STARD13: variants seen among roughly 807,000 people sequenced by gnomAD.
STARD13 encodes StAR related lipid transfer domain containing 13.
Under a neutral mutation model 106.4 loss-of-function variants are expected in STARD13, and 62 were observed. The ratio of observed to expected loss-of-function variants is 0.58; its 90% CI spans 0.48 to 0.72. STARD13 has a LOEUF of 0.72. Ranked by LOEUF, STARD13 falls within the 30% of genes least tolerant of loss-of-function variation. The pLI is 0.00. For synonymous variants in STARD13, 565 were observed against 553.0 expected, an observed-to-expected ratio of 1.02 and a Z score of -0.31; for missense variants, 1,387 against 1,424.0, an observed-to-expected ratio of 0.97 and a Z score of 0.42.
intron 1 of STARD13, among the ~76,000 whole-genome samples, chr13:33,180,020 G>A (rs993830841): frequency 2.0e-5 from 3 of 152,146 alleles, no homozygotes; most frequent in Admixed American, 6.5e-5. Context: ...CAACCTGCCT[G>A]GAGATTCTTA....
intron 4 of STARD13, among the ~76,000 whole-genome samples, chr13:33,134,339 G>A (rs902765630): frequency 2.0e-5 from 3 of 152,298 alleles, no homozygotes; most frequent in South Asian, 4.1e-4. Flanking sequence ...TTTGTGTTGG[G>A]GCACATCCAA....
At chr13:33,121,611 A>G (rs2138120493) in intron 7 of STARD13, among the ~76,000 whole-genome samples, 1 of 151,058 alleles carries the variant, frequency 6.6e-6, no homozygotes, top group African/African-American at 2.4e-5. Context: ...TTTGATCTGA[A>G]TTTTTGACAA....
At chr13:33,615,815 CA>C in the STARD13 span, among the ~76,000 whole-genome samples, 1 of 152,156 alleles carries the variant, frequency 6.6e-6, no homozygotes, top group Non-Finnish European at 1.5e-5. Context: ...TGTTTAACCT[CA>C]GATGGAAATA....
chr13:33,471,633 G>GTTTTTTTT, the STARD13 span, among the ~76,000 whole-genome samples: 1 of 124,502 alleles, frequency 8.0e-6, no homozygotes, highest in Non-Finnish European at 1.8e-5. Flanking sequence ...TTGGCCCCCT[G>GTTTTTTTT]TTTTTTTTTT....
the STARD13 span, among the ~76,000 whole-genome samples, chr13:33,657,236 C>A: frequency 7.2e-5 from 11 of 152,162 alleles, no homozygotes; most frequent in African/African-American, 2.4e-4. Flanking sequence ...TGCCACTGCA[C>A]TCCAGCCTGG....
At chr13:33,437,367 G>C in the STARD13 span, among the ~76,000 whole-genome samples, 1 of 152,178 alleles carries the variant, frequency 6.6e-6, no homozygotes, top group Non-Finnish European at 1.5e-5. Context: ...CACTCAGGGA[G>C]CTCGGCTCTT....
the STARD13 span, among the ~76,000 whole-genome samples, chr13:33,627,956 CT>C: frequency 4.1e-5 from 6 of 146,454 alleles, no homozygotes; most frequent in African/African-American, 8.1e-5. Flanking sequence ...TAGGCTATTT[CT>C]TTTTTTTCTT....
the STARD13 span, among the ~76,000 whole-genome samples, chr13:33,467,248 G>A: frequency 6.6e-6 from 1 of 151,868 alleles, no homozygotes; most frequent in Non-Finnish European, 1.5e-5. Flanking sequence ...CTGTCTGGGG[G>A]TGACGGGAGA....
downstream of STARD13, among the ~76,000 whole-genome samples, chr13:33,345,269 A>C (rs909623429): frequency 6.6e-6 from 1 of 152,216 alleles, no homozygotes; most frequent in Non-Finnish European, 1.5e-5. Context: ...TGATTAGGGG[A>C]CAAGCTACTT....
At chr13:33,265,412 G>C (rs1890849499) in intron 1 of STARD13, among the ~76,000 whole-genome samples, 1 of 152,136 alleles carries the variant, frequency 6.6e-6, no homozygotes, top group Non-Finnish European at 1.5e-5. Context: ...AATATGAACA[G>C]GTGTCCTATA....
chr13:33,358,664 G>A, the STARD13 span, among the ~76,000 whole-genome samples: 1 of 151,942 alleles, frequency 6.6e-6, no homozygotes, highest in Non-Finnish European at 1.5e-5. Flanking sequence ...CTAGCTCAAG[G>A]TTTGTAAATA....
chr13:33,514,875 A>C, the STARD13 span, among the ~76,000 whole-genome samples: 1 of 152,136 alleles, frequency 6.6e-6, no homozygotes, highest in Admixed American at 6.5e-5. Context: ...TCCCACCAAG[A>C]TTCCTCGGGA....
At chr13:33,342,537 T>G (rs1243160713) in intron 1 of STARD13, among the ~76,000 whole-genome samples, 1 of 152,040 alleles carries the variant, frequency 6.6e-6, no homozygotes, top group African/African-American at 2.4e-5. Context: ...TAGTTTGTTT[T>G]TTTTTTTTTA....
At chr13:33,662,802 T>C in the STARD13 span, among the ~76,000 whole-genome samples, 1 of 152,170 alleles carries the variant, frequency 6.6e-6, no homozygotes, top group Non-Finnish European at 1.5e-5. Flanking sequence ...TACAACCCTA[T>C]TGGTCAAATG....
At chr13:33,367,445 C>T in the STARD13 span, among the ~76,000 whole-genome samples, 2 of 151,832 alleles carry the variant, frequency 1.3e-5, no homozygotes, top group Non-Finnish European at 2.9e-5. Context: ...CAGTTAACTG[C>T]AGTAAGGAGA....
chr13:33,509,473 A>C, the STARD13 span, among the ~76,000 whole-genome samples: 1 of 152,222 alleles, frequency 6.6e-6, no homozygotes, highest in African/African-American at 2.4e-5. Context: ...CAAAGAGAGC[A>C]GGTACAATTC....
intron 6 of STARD13, 48 bp downstream of exon 6, chr13:33,127,325 C>T (rs889376354): frequency 6.7e-7 from 1 of 1,502,388 alleles, no homozygotes; most frequent in Non-Finnish European, 8.8e-7. Flanking sequence ...CAATCACACA[C>T]TTAGCTCTAG....
the STARD13 span, among the ~76,000 whole-genome samples, chr13:33,616,696 C>A: frequency 6.6e-6 from 1 of 152,202 alleles, no homozygotes; most frequent in Non-Finnish European, 1.5e-5. Flanking sequence ...TGAAGATACA[C>A]TTCAGAAAAA....
chr13:33,406,859 G>A, the STARD13 span, among the ~76,000 whole-genome samples: 9 of 152,036 alleles, frequency 5.9e-5, no homozygotes, highest in Non-Finnish European at 1.2e-4. Flanking sequence ...AGGCACGGGT[G>A]CATCACTGCT....
Sources: gnomAD v4.1 joint callset for allele counts (sites outside exome capture counted in the v4.1 genomes callset) on GRCh38, gnomAD v4.1.1 for gene constraint, MANE v1.5 for transcripts, NCBI Gene and HGNC (gene_info 2026-07-23, HGNC 2026-07-21) for gene names.